ZNF609: variants seen among roughly 807,000 people sequenced by gnomAD.
ZNF609 encodes the protein zinc finger protein 609.
In ZNF609, 11 loss-of-function variants were observed where a neutral mutation model predicts 109.5. The ratio of observed to expected loss-of-function variants is 0.10; its 90% CI spans 0.06 to 0.17. ZNF609 has a LOEUF of 0.17. ZNF609 is among the 10% of genes least tolerant of loss of function. ZNF609 has a pLI of 1.00. For missense variants in ZNF609, 1,559 were observed against 1,772.4 expected (o/e 0.88, Z 2.16); for synonymous variants, 646 against 662.0 (o/e 0.98, Z 0.37).
intron 2 of ZNF609, among the ~76,000 whole-genome samples, chr15:64,602,764 C>T (rs767088310): frequency 1.9e-4 from 25 of 130,386 alleles, no homozygotes; most frequent in Non-Finnish European, 2.0e-4. Context: ...GCTCTGTCAC[C>T]CAGGCTGGAG....
chr15:64,617,987 G>T (rs1281719086), intron 2 of ZNF609, among the ~76,000 whole-genome samples: 3 of 152,112 alleles, frequency 2.0e-5, no homozygotes, highest in Admixed American at 2.0e-4. Flanking sequence ...TTTTGTTGGT[G>T]TAGTTATTAA....
intron 2 of ZNF609, among the ~76,000 whole-genome samples, chr15:64,509,328 T>A (rs1008972043): frequency 3.3e-5 from 5 of 152,176 alleles, no homozygotes; most frequent in African/African-American, 9.7e-5. Context: ...AGTACTGACC[T>A]CATAGGGTTA....
intron 2 of ZNF609, among the ~76,000 whole-genome samples, chr15:64,532,216 A>G (rs1208780345): frequency 6.6e-6 from 1 of 152,006 alleles, no homozygotes; most frequent in Non-Finnish European, 1.5e-5. Context: ...TCAAATGTCA[A>G]CCTATTTGAA....
At chr15:64,603,997 CAAAAAAAA>C (rs34675102) in intron 2 of ZNF609, among the ~76,000 whole-genome samples, 1 of 65,206 alleles carries the variant, frequency 1.5e-5, no homozygotes, top group African/African-American at 5.8e-5. Flanking sequence ...GACTCCGTCT[CAAAAAAAA>C]AAAAAAAAAA....
intron 3 of ZNF609, among the ~76,000 whole-genome samples, chr15:64,665,414 T>C (rs1896631224): frequency 6.6e-6 from 1 of 152,180 alleles, no homozygotes; most frequent in African/African-American, 2.4e-5. Flanking sequence ...ACAATCCTTA[T>C]ATGACAGGAT....
At chr15:64,495,103 GA>G (rs5813305) in intron 1 of ZNF609, among the ~76,000 whole-genome samples, 128,096 of 152,124 alleles carry the variant, frequency 0.84, 55,955 homozygotes, top group East Asian at 0.96. Flanking sequence ...TTGCTTACTA[GA>G]AAAAAATCCC....
intron 4 of ZNF609, among the ~76,000 whole-genome samples, chr15:64,673,084 C>T (rs1043398304): frequency 1.3e-5 from 2 of 152,092 alleles, no homozygotes; most frequent in African/African-American, 4.8e-5. Context: ...TTTGGGCATG[C>T]AAGAATCCAG....
chr15:64,613,066 A>C (rs564779057), intron 2 of ZNF609, among the ~76,000 whole-genome samples: 1 of 152,130 alleles, frequency 6.6e-6, no homozygotes, highest in Non-Finnish European at 1.5e-5. Flanking sequence ...TCACACCTGT[A>C]ATCCCAGCAC....
At chr15:64,619,013 C>T (rs950300579) in intron 2 of ZNF609, among the ~76,000 whole-genome samples, 1 of 152,184 alleles carries the variant, frequency 6.6e-6, no homozygotes, top group African/African-American at 2.4e-5. Context: ...ATGCCCTCCT[C>T]TACCCAGCAC....
intron 3 of ZNF609, among the ~76,000 whole-genome samples, chr15:64,637,988 C>T (rs1458429062): frequency 3.6e-5 from 3 of 84,372 alleles, no homozygotes; most frequent in African/African-American, 1.1e-4. Flanking sequence ...TTCTGAGAAC[C>T]TTGTTTTATA....
chr15:64,642,245 G>A (rs1896271597), intron 3 of ZNF609, among the ~76,000 whole-genome samples: 1 of 152,096 alleles, frequency 6.6e-6, no homozygotes, highest in South Asian at 2.1e-4. Context: ...GTGCAGTGGT[G>A]CAATCATGGC....
chr15:64,466,875 C>G (rs1474201642), intron 1 of ZNF609, among the ~76,000 whole-genome samples: 1 of 152,026 alleles, frequency 6.6e-6, no homozygotes, highest in East Asian at 1.9e-4. Context: ...ACTCTAATTA[C>G]TGTAGCTATT....
At chr15:64,666,344 A>G (rs2141008361) in intron 3 of ZNF609, among the ~76,000 whole-genome samples, 1 of 152,302 alleles carries the variant, frequency 6.6e-6, no homozygotes, top group South Asian at 2.1e-4. Flanking sequence ...CAGTGAGCCA[A>G]GATTGCACTA....
chr15:64,514,104 A>C (rs1233452291), intron 2 of ZNF609, among the ~76,000 whole-genome samples: 6 of 151,338 alleles, frequency 4.0e-5, no homozygotes, highest in South Asian at 2.1e-4. Flanking sequence ...AAAAAAAAAA[A>C]CCACCAGTTC....
At chr15:64,614,614 C>T (rs1317761229) in intron 2 of ZNF609, among the ~76,000 whole-genome samples, 1 of 151,866 alleles carries the variant, frequency 6.6e-6, no homozygotes, top group Non-Finnish European at 1.5e-5. Context: ...TTAAATAACC[C>T]ACAATAAGAA....
intron 2 of ZNF609, among the ~76,000 whole-genome samples, chr15:64,517,482 T>G (rs1345066905): frequency 6.6e-6 from 1 of 152,180 alleles, no homozygotes; most frequent in African/African-American, 2.4e-5. Flanking sequence ...GCTATCCTAG[T>G]CAAGCAGTTC....
rs769182307 is a variant in ZNF609, at chr15:64,676,174, T to A, written c.3320T>A (p.Leu1107Gln). 1.9e-6 allele frequency: 3 copies of A among 1,614,184 alleles called. No homozygotes were observed. Among genetic ancestry groups the A allele is most frequent in the Non-Finnish European group, 1.7e-6 (2 of 1,180,028 alleles). ...GTGAAGCTGAGTGATGCCAGCCACC[T>A]AAGCAAGGAGGCCTCTGAGGCCAAG... ...LKVKLSDASHLSKEASEAKTG... is the reference protein window; with the variant it reads ...LKVKLSDASHQSKEASEAKTG... The change falls in exon 5 of 10, where the codon CTA becomes CAA. Residue 1107 changes from leucine to glutamine, a missense_variant. Around this residue, in one of 4 missense-constraint regions of ZNF609, gnomAD observed 1,204 missense variants for 1,314.1 expected, o/e 0.92. Transcript: ENST00000326648.
chr15:64,543,737 C>T (rs192591342), intron 2 of ZNF609, among the ~76,000 whole-genome samples: 1 of 152,340 alleles, frequency 6.6e-6, no homozygotes, highest in East Asian at 1.9e-4. Flanking sequence ...AGCCACCACG[C>T]TCAGCCTCTC....
At chr15:64,578,809 A>G (rs1895045390) in intron 2 of ZNF609, among the ~76,000 whole-genome samples, 3 of 152,194 alleles carry the variant, frequency 2.0e-5, no homozygotes, top group African/African-American at 7.2e-5. Context: ...GACCAGCCTC[A>G]GCAACATGGC....
Sources: allele counts gnomAD v4.1 joint callset (sites outside exome capture counted in the v4.1 genomes callset), GRCh38; gene constraint gnomAD v4.1.1; regional missense constraint gnomAD v4.1.1; transcripts MANE v1.5; gene names NCBI Gene and HGNC (gene_info 2026-07-23, HGNC 2026-07-21).